STARD9: variants seen among roughly 807,000 people sequenced by gnomAD.
STARD9 encodes the protein stAR-related lipid transfer protein 9.
STARD9 carries 346 observed loss-of-function variants against 399.8 expected under a neutral mutation model. That is an observed-to-expected ratio of 0.87 (90% CI 0.79 to 0.95). The LOEUF (loss-of-function observed/expected upper bound fraction) is 0.95. Ranked by LOEUF, STARD9 falls within the 40% of genes least tolerant of loss-of-function variation. The pLI is 0.00. For missense variants in STARD9, 5,832 were observed against 5,667.5 expected, an observed-to-expected ratio of 1.03 and a Z score of -0.93; for synonymous variants, 2,203 against 2,143.5, an observed-to-expected ratio of 1.03 and a Z score of -0.77.
Position 42,685,826 on chromosome 15 carries a change from T to A in STARD9, c.4248T>A (p.Ser1416=). ...LCSARDEHTA[S]AADTSRLSLW... is the part of the protein sequence containing the mutation. Reference sequence around the variant, plus strand: ...GTGCAAGAGATGAGCACACAGCCTCTGCTGCTGATACGTCTAGGCTGTCTC... The same window carrying A: ...GTGCAAGAGATGAGCACACAGCCTCAGCTGCTGATACGTCTAGGCTGTCTC... Residue 1416 remains serine (S), a synonymous_variant, in exon 23 of 33, where the codon TCT becomes TCA. Coordinates refer to ENST00000290607, the MANE Select transcript of STARD9 (RefSeq NM_020759.3). The A allele has an allele frequency of 6.5e-7, 1 of 1,537,172 alleles. No individual in the cohort carries two copies. Among genetic ancestry groups the A allele is most frequent in the Non-Finnish European group, 8.7e-7 (1 of 1,146,936 alleles).
intron 3 of STARD9, among the ~76,000 whole-genome samples, chr15:42,591,539 CAT>C (rs1369136569): frequency 6.6e-6 from 1 of 151,964 alleles, no homozygotes; most frequent in Non-Finnish European, 1.5e-5. Flanking sequence ...GGCCAACCCT[CAT>C]ATGTTACAGA....
intron 13 of STARD9, among the ~76,000 whole-genome samples, chr15:42,664,803 C>T (rs2060058770): frequency 6.6e-6 from 1 of 151,762 alleles, no homozygotes; most frequent in Non-Finnish European, 1.5e-5. Context: ...CACACACACA[C>T]ACACACACAC....
At chr15:42,654,288 G>A (rs762678549) in intron 9 of STARD9, among the ~76,000 whole-genome samples, 4 of 152,038 alleles carry the variant, frequency 2.6e-5, no homozygotes, top group Non-Finnish European at 5.9e-5. Flanking sequence ...ATTGCCTAAG[G>A]TACAAATTTT....
intron 1 of STARD9, among the ~76,000 whole-genome samples, chr15:42,578,121 T>C (rs1183058990): frequency 1.3e-5 from 2 of 150,354 alleles, no homozygotes; most frequent in Non-Finnish European, 2.9e-5. Flanking sequence ...TTTTTTTTTT[T>C]TCTTTTGGAG....
In STARD9 at chr15:42,692,041, C is replaced by G. The variant is rs370368230; in HGVS notation, c.10463C>G (p.Ser3488Cys). The change falls in exon 23 of 33, where the codon TCT becomes TGT. Residue 3488 changes from serine to cysteine, a missense_variant. Transcript: ENST00000290607. ...CGTATCAGCTGGAAGCAGTATATGTCTGGCAGTGCAGTCGATGTTTCCTGC... is the reference window on the plus strand; with the variant it reads ...CGTATCAGCTGGAAGCAGTATATGTGTGGCAGTGCAGTCGATGTTTCCTGC... ...PARISWKQYM[S>C]GSAVDVSCSQ... 3.4e-5 allele frequency: 53 copies of G among 1,537,138 alleles called. No homozygotes were observed. The highest frequency in any genetic ancestry group is 4.3e-5 in the Non-Finnish European group (49 of 1,146,926).
intron 26 of STARD9, among the ~76,000 whole-genome samples, chr15:42,712,097 A>AATATAT (rs1555411009): frequency 0.015 from 3 of 206 alleles, no homozygotes; most frequent in Non-Finnish European, 0.047. Flanking sequence ...ATATATATAT[A>AATATAT]ATATATAATA....
Position 42,684,698 on chromosome 15 carries a change from A to G in STARD9, c.3120A>G (p.Ala1040=). Residue 1040 remains alanine, a synonymous_variant, in exon 23 of 33, where the codon GCA becomes GCG. Transcript: ENST00000290607. ...ACAAACCACCTTCTCCAAGCAGGGC[A>G]TCAAAAAGGCATCAGAGGGTTCTGG... The part of the protein sequence containing the change: ...TEYKPPSPSR[A]SKRHQRVLAT... 3 of 1,537,238 alleles carry G rather than the reference A, an allele frequency of 2.0e-6. No homozygotes were observed. The highest frequency in any genetic ancestry group is 2.6e-6 in the Non-Finnish European group (3 of 1,146,920).
intron 26 of STARD9, among the ~76,000 whole-genome samples, chr15:42,716,308 T>C (rs1038544469): frequency 6.6e-6 from 1 of 152,098 alleles, no homozygotes; most frequent in Middle Eastern, 3.2e-3. Flanking sequence ...TTAAACCCCC[T>C]CTAGCCATGG....
intron 7 of STARD9, among the ~76,000 whole-genome samples, chr15:42,644,457 C>T (rs1169682851): frequency 6.6e-6 from 1 of 151,654 alleles, no homozygotes; most frequent in African/African-American, 2.4e-5. Flanking sequence ...CACGCCACTG[C>T]ACTCCAGCCT....
intron 26 of STARD9, among the ~76,000 whole-genome samples, chr15:42,711,347 G>A (rs987425554): frequency 1.3e-5 from 2 of 151,982 alleles, no homozygotes; most frequent in African/African-American, 4.8e-5. Flanking sequence ...CACCATGTTG[G>A]CCAGGCTGGT....
chr15:42,585,144 C>G (rs1198495025), intron 2 of STARD9, among the ~76,000 whole-genome samples: 1 of 152,028 alleles, frequency 6.6e-6, no homozygotes, highest in Non-Finnish European at 1.5e-5. Context: ...ATTCCAAAAT[C>G]CAAAAAAATC....
intron 26 of STARD9, among the ~76,000 whole-genome samples, chr15:42,701,992 C>CAAAAAAA (rs57444195): frequency 2.2e-5 from 1 of 44,994 alleles, no homozygotes; most frequent in Admixed American, 2.8e-4. Flanking sequence ...GACTCTGACT[C>CAAAAAAA]AAAAAAAAAA....
chr15:42,665,693 T>G, intron 14 of STARD9, 93 bp from the exon 15 acceptor site: 1 of 986,710 alleles, frequency 1.0e-6, no homozygotes, highest in Non-Finnish European at 1.5e-6. Context: ...TTTTCCTTTA[T>G]CTGCATCTTA....
chr15:42,693,947 C>A lies in STARD9; in HGVS notation c.12369C>A (p.Cys4123Ter). The A allele has an allele frequency of 1.3e-6, 2 of 1,504,616 alleles. No homozygotes were observed. Among genetic ancestry groups the A allele is most frequent in the South Asian group, 2.5e-5 (2 of 78,754 alleles). 93.2% of individuals were successfully genotyped at this position (1,504,616 alleles called of 1,614,324 possible). The change falls in exon 23 of 33, where the codon TGC (cysteine) becomes TGA (stop). Residue 4123 changes from cysteine to a stop codon, truncating the protein, a stop_gained. Transcript: ENST00000290607. LOFTEE classifies it high-confidence loss of function. ...TACTGTGCTTCAGTTGCCAGATGTG[C>A]ATGGCCCCTGAGCACCAGCACCACA... ...EELLCFSCQMCMAPEHQHHSL... is the reference protein window; with the variant it reads ...EELLCFSCQM
Position 42,692,021 on chromosome 15 carries a change from C to A in STARD9, c.10443C>A (p.Ile3481=), listed in dbSNP as rs754134913. ...LPWRPEEPAR[I]SWKQYMSGSA... is the part of the protein sequence containing the mutation. ...GGCGTCCGGAGGAGCCTGCACGTAT[C>A]AGCTGGAAGCAGTATATGTCTGGCA... is the stretch of plus-strand genomic sequence containing the variant. The change falls in exon 23 of 33, where the codon ATC becomes ATA. Residue 3481 remains isoleucine, a synonymous_variant. Coordinates refer to ENST00000290607, the MANE Select transcript of STARD9 (RefSeq NM_020759.3). The A allele has an allele frequency of 6.5e-7, 1 of 1,537,130 alleles. No individual in the cohort carries two copies. The highest frequency in any genetic ancestry group is 8.7e-7 in the Non-Finnish European group (1 of 1,146,920).
rs748648609 is a variant in STARD9, at chr15:42,687,459, ATGGTGGCCCAGGG to A, written c.5892_5904del (p.Gly1965ProfsTer40). The A allele has an allele frequency of 2.0e-6, 3 of 1,537,174 alleles. No homozygotes were observed. Among genetic ancestry groups the A allele is most frequent in the South Asian group, 1.2e-5 (1 of 84,062 alleles). ...AGATCGTAGAGTAAGCAGCCCAGTGATGGTGGCCCAGGGTGGTGGCCCAACCCCTAAGTGGGAA... is the reference window on the plus strand; with the variant it reads ...AGATCGTAGAGTAAGCAGCCCAGTGATGGTGGCCCAACCCCTAAGTGGGAA... On this transcript the variant is annotated frameshift_variant, in exon 23 of 33. Transcript: ENST00000290607. LOFTEE classifies it high-confidence loss of function.
Position 42,686,575 on chromosome 15 carries a change from A to AC in STARD9, c.4999dup (p.His1667ProfsTer13), listed in dbSNP as rs1417709315. The AC allele has an allele frequency of 1.3e-6, 2 of 1,537,358 alleles. No individual in the cohort carries two copies. Among genetic ancestry groups the AC allele is most frequent in the Non-Finnish European group, 1.7e-6 (2 of 1,147,004 alleles). ...AATGTCACTACAGCCACCAAAGCAG[A>AC]CCATTGGTCCCAAGGCTGGGCTCCT... On this transcript the variant is annotated frameshift_variant, in exon 23 of 33. Transcript: ENST00000290607. LOFTEE classifies it high-confidence loss of function.
intron 26 of STARD9, among the ~76,000 whole-genome samples, chr15:42,702,191 A>G: frequency 6.6e-6 from 1 of 151,898 alleles, no homozygotes; most frequent in East Asian, 1.9e-4. Flanking sequence ...TAGAACAAAG[A>G]CGATTAAAAT....
At chr15:42,670,205 C>T (rs1168519224) in intron 16 of STARD9, 1 of 152,236 alleles carries the variant, frequency 6.6e-6, no homozygotes, top group African/African-American at 2.4e-5. Flanking sequence ...TTCTCCATCA[C>T]TACATTTACC....
Sources: allele counts gnomAD v4.1 joint callset (sites outside exome capture counted in the v4.1 genomes callset), GRCh38; gene constraint gnomAD v4.1.1; transcripts MANE v1.5; gene names NCBI Gene and HGNC (gene_info 2026-07-23, HGNC 2026-07-21).